Variants in ITPRID1 observed in about 807,000 individuals in gnomAD.
ITPRID1 encodes protein ITPRID1.
ITPRID1 carries 96 observed loss-of-function variants against 95.4 expected under a neutral mutation model. The ratio of observed to expected loss-of-function variants is 1.01; its 90% CI spans 0.85 to 1.19. The LOEUF (loss-of-function observed/expected upper bound fraction) is 1.19, where lower values mean the gene tolerates loss of function less well. Among genes scored for constraint, ITPRID1 ranks in the 50% most tolerant of loss-of-function variants. The pLI, the probability that ITPRID1 is intolerant of heterozygous loss-of-function variation, is 0.00. For missense variants in ITPRID1, 1,339 were observed against 1,252.9 expected (o/e 1.07, Z -1.04); for synonymous variants, 510 against 453.6 (o/e 1.12, Z -1.58).
chr7:31,561,253 G>A (rs1784614287), intron 5 of ITPRID1, among the ~76,000 whole-genome samples: 1 of 152,162 alleles, frequency 6.6e-6, no homozygotes, highest in African/African-American at 2.4e-5. Context: ...AATAACAACT[G>A]CAAGAAAAGT....
intron 10 of ITPRID1, among the ~76,000 whole-genome samples, chr7:31,632,288 A>C (rs561704475): frequency 1.3e-5 from 2 of 152,112 alleles, no homozygotes; most frequent in South Asian, 4.2e-4. Context: ...CTCTACTAAA[A>C]AAACAATAAA....
At position 31,567,001 on chromosome 7, in the gene ITPRID1, T is replaced by G. The variant is rs965661651; in HGVS notation, c.257-2757T>G. On this transcript the variant is annotated intron_variant, in intron 5 of 14. Transcript: ENST00000615280. ...AAATTTATTTAAATTATTAGAATTT[T>G]GCAAAGGATTTTATATTATTGTGGA... Among the ~76,000 whole-genome samples, 24 of 152,172 alleles carry G rather than the reference T, an allele frequency of 1.6e-4. 1 individual carries two copies. Among genetic ancestry groups the G allele is most frequent in the Admixed American group, 7.9e-4 (12 of 15,282 alleles).
rs750544823 is a variant in ITPRID1, at chr7:31,519,620, C to CTATATATA, written c.-98+5519_-98+5526dup. Among the ~76,000 whole-genome samples, 82 of 25,236 alleles carry CTATATATA rather than the reference C, an allele frequency of 3.2e-3. 6 individuals carry two copies. The highest frequency in any genetic ancestry group is 0.021 in the East Asian group (7 of 332). The allele number at this position is 25,236 out of a possible 152,430, so 16.6% of individuals were successfully genotyped here. A position where few individuals can be genotyped will look rare whatever the true frequency, so the allele number is the denominator to read the frequency against. On this transcript the variant is annotated intron_variant, in intron 1 of 14. Transcript: ENST00000615280. ...TCTCTCTCTCTCTCTCTCTCTCTCT[C>CTATATATA]TATATATATATATATATATATATAT...
intron 1 of ITPRID1, among the ~76,000 whole-genome samples, chr7:31,520,472 G>T (rs1019562441): frequency 2.0e-5 from 3 of 151,464 alleles, no homozygotes; most frequent in Admixed American, 1.3e-4. Flanking sequence ...GCCAATAAGA[G>T]CTCTTTCAGT....
At chr7:31,545,749 G>A (rs766729835) in intron 1 of ITPRID1, among the ~76,000 whole-genome samples, 1 of 152,116 alleles carries the variant, frequency 6.6e-6, no homozygotes, top group South Asian at 2.1e-4. Flanking sequence ...AGCCACCCAC[G>A]GAACAAGTCA....
intron 9 of ITPRID1, among the ~76,000 whole-genome samples, chr7:31,581,447 G>A (rs1785401000): frequency 6.6e-6 from 1 of 152,036 alleles, no homozygotes; most frequent in Admixed American, 6.6e-5. Flanking sequence ...TTGTGCAATT[G>A]TAAACTCAAG....
At chr7:31,522,846 A>G (rs1027328091) in intron 1 of ITPRID1, among the ~76,000 whole-genome samples, 1 of 152,208 alleles carries the variant, frequency 6.6e-6, no homozygotes, top group African/African-American at 2.4e-5. Flanking sequence ...TTAAAGGTAT[A>G]AATAGAGTTA....
At chr7:31,561,070 TA>T (rs1474921094) in intron 5 of ITPRID1, among the ~76,000 whole-genome samples, 1 of 152,048 alleles carries the variant, frequency 6.6e-6, no homozygotes, top group African/African-American at 2.4e-5. Flanking sequence ...CAGCTGTTGT[TA>T]ATTGACTATG....
At chr7:31,583,760 C>A (rs1486525054) in intron 10 of ITPRID1, among the ~76,000 whole-genome samples, 1 of 152,138 alleles carries the variant, frequency 6.6e-6, no homozygotes, top group East Asian at 1.9e-4. Context: ...ACTATATGAT[C>A]TGACTACCAT....
rs1791114490 is a variant in ITPRID1, at chr7:31,653,243, A to G, written c.*414A>G. 3 of 173,132 alleles carry G rather than the reference A, an allele frequency of 1.7e-5. No homozygotes were observed. The South Asian group carries it at 4.3e-4, about 25-fold the overall frequency. The allele number at this position is 173,132 out of a possible 1,614,324, so 10.7% of individuals were successfully genotyped here. On this transcript the variant is annotated 3_prime_UTR_variant, in exon 15 of 15. Coordinates refer to ENST00000615280, the MANE Select transcript of ITPRID1 (RefSeq NM_001257967.3). ...CAAAGATGATTTTGAGGCCTTCAAC[A>G]TTTAGTGGGGAAAGGGTGCTAATGG...
At chr7:31,620,860 A>C (rs1319498047) in intron 10 of ITPRID1, among the ~76,000 whole-genome samples, 1 of 152,122 alleles carries the variant, frequency 6.6e-6, no homozygotes, top group African/African-American at 2.4e-5. Context: ...AAACTTTGAA[A>C]AAAATTTAGA....
chr7:31,622,686 C>A (rs575729650), intron 10 of ITPRID1, among the ~76,000 whole-genome samples: 339 of 152,114 alleles, frequency 2.2e-3, no homozygotes, highest in African/African-American at 7.9e-3. Flanking sequence ...CCTAACATCA[C>A]AATTAAAAGA....
At chr7:31,550,582 A>G (rs1403472591) in intron 2 of ITPRID1, among the ~76,000 whole-genome samples, 4 of 152,202 alleles carry the variant, frequency 2.6e-5, no homozygotes, top group African/African-American at 9.6e-5. Flanking sequence ...AAGGAAGGCC[A>G]TTCAAGCTTT....
At chr7:31,625,828 T>A (rs536908064) in intron 10 of ITPRID1, among the ~76,000 whole-genome samples, 15,847 of 152,020 alleles carry the variant, frequency 0.1, 940 homozygotes, top group Middle Eastern at 0.17. Flanking sequence ...TCTTTTTTTT[T>A]AAATTTTTTC....
intron 10 of ITPRID1, among the ~76,000 whole-genome samples, chr7:31,641,529 C>T (rs1362809136): frequency 3.9e-5 from 6 of 152,180 alleles, no homozygotes; most frequent in Admixed American, 3.9e-4. Context: ...TGGTAGCCAA[C>T]TATTTCCCCC....
intron 3 of ITPRID1, 79 bp from the exon 4 acceptor site, chr7:31,554,396 G>C: frequency 6.5e-7 from 1 of 1,539,834 alleles, no homozygotes; most frequent in East Asian, 2.4e-5. Flanking sequence ...TAGTGACTGA[G>C]TGGCGGCTGA....
chr7:31,583,302 C>T (rs1040600523), intron 10 of ITPRID1, 111 bp downstream of exon 10: 7 of 706,596 alleles, frequency 9.9e-6, no homozygotes, highest in Non-Finnish European at 1.4e-5. Context: ...AGAAGGTACT[C>T]TAAATTCATG....
intron 10 of ITPRID1, among the ~76,000 whole-genome samples, chr7:31,612,938 C>A (rs1399513880): frequency 6.6e-6 from 1 of 152,166 alleles, no homozygotes; most frequent in Admixed American, 6.5e-5. Context: ...TCTCAGGCAG[C>A]TATAATATTA....
intron 10 of ITPRID1, among the ~76,000 whole-genome samples, chr7:31,637,749 C>T (rs1465182659): frequency 6.6e-6 from 1 of 152,144 alleles, no homozygotes; most frequent in Non-Finnish European, 1.5e-5. Context: ...GATTAGATCC[C>T]ATTTGTCAAT....
Sources: gnomAD v4.1 joint callset for allele counts (sites outside exome capture counted in the v4.1 genomes callset) on GRCh38, gnomAD v4.1.1 for gene constraint, MANE v1.5 for transcripts, NCBI Gene and HGNC (gene_info 2026-07-23, HGNC 2026-07-21) for gene names.